TMEM178B: variants seen among roughly 807,000 people sequenced by gnomAD.
TMEM178B encodes transmembrane protein 178B.
A neutral mutation model predicts 31.0 loss-of-function variants in TMEM178B; 5 were observed. The observed-to-expected ratio is 0.16, with a 90% CI of 0.08 to 0.34. TMEM178B has a LOEUF of 0.34. Among genes scored for constraint, TMEM178B ranks in the 10% least tolerant of loss-of-function variants. TMEM178B has a pLI of 1.00. For missense variants in TMEM178B, 275 were observed against 400.3 expected (o/e 0.69, Z 2.67); for synonymous variants, 164 against 164.0 (o/e 1.00, Z 0.00).
At chr7:141,246,016 A>T (rs943765594) in intron 2 of TMEM178B, among the ~76,000 whole-genome samples, 8 of 152,156 alleles carry the variant, frequency 5.3e-5, no homozygotes, top group Admixed American at 3.9e-4. Flanking sequence ...TTTTTCCTGA[A>T]TTCCAACCAA....
chr7:141,409,810 G>A (rs573493163), intron 2 of TMEM178B, among the ~76,000 whole-genome samples: 7 of 151,740 alleles, frequency 4.6e-5, no homozygotes, highest in African/African-American at 1.7e-4. Context: ...CTATCAAGCA[G>A]ATGATCGTCC....
chr7:141,245,399 T>G (rs1159653503), intron 2 of TMEM178B, among the ~76,000 whole-genome samples: 1 of 151,848 alleles, frequency 6.6e-6, no homozygotes, highest in Admixed American at 6.6e-5. Flanking sequence ...GGATGGAGGT[T>G]TGTTCATTTT....
Position 141,140,986 on chromosome 7 carries a change from G to A in TMEM178B, c.382+66294G>A, listed in dbSNP as rs79535492. Among the ~76,000 whole-genome samples, 92 of 152,174 alleles carry A rather than the reference G, an allele frequency of 6.0e-4. No homozygotes were observed. In the East Asian group the frequency reaches 6.8e-3, roughly 11 times the overall value. On this transcript the variant is annotated intron_variant, in intron 1 of 3. Transcript: ENST00000565468. ...CCCTCTTTTCCTACTGTACTCTTTCGAAGGAGGTCACTAGACACAGCCCAC... is the reference window on the plus strand; with the variant it reads ...CCCTCTTTTCCTACTGTACTCTTTCAAAGGAGGTCACTAGACACAGCCCAC...
At chr7:141,431,774 G>A (rs1368997179) in intron 2 of TMEM178B, among the ~76,000 whole-genome samples, 1 of 152,188 alleles carries the variant, frequency 6.6e-6, no homozygotes, top group Admixed American at 6.5e-5. Context: ...GGCAGGAAGA[G>A]ATGGGGAAAG....
At chr7:141,445,092 C>T (rs1801729595) in intron 3 of TMEM178B, among the ~76,000 whole-genome samples, 1 of 152,204 alleles carries the variant, frequency 6.6e-6, no homozygotes, top group Non-Finnish European at 1.5e-5. Flanking sequence ...CCTTCCCAGT[C>T]AGTCAGGGGG....
chr7:141,203,671 A>G (rs1796915753), intron 1 of TMEM178B, among the ~76,000 whole-genome samples: 1 of 152,216 alleles, frequency 6.6e-6, no homozygotes, highest in Non-Finnish European at 1.5e-5. Flanking sequence ...TAGTAAGGCC[A>G]GACTCTGCAT....
chr7:141,163,200 A>G (rs1290790924), intron 1 of TMEM178B, among the ~76,000 whole-genome samples: 1 of 152,178 alleles, frequency 6.6e-6, no homozygotes, highest in East Asian at 1.9e-4. Context: ...TTCTTCATGT[A>G]CTTATCCCCC....
At chr7:141,291,067 G>A (rs1342434369) in intron 2 of TMEM178B, among the ~76,000 whole-genome samples, 1 of 152,140 alleles carries the variant, frequency 6.6e-6, no homozygotes, top group African/African-American at 2.4e-5. Flanking sequence ...GGACAAGGCA[G>A]GAATCTATTT....
chr7:141,215,671 T>A (rs1797121059), intron 2 of TMEM178B, among the ~76,000 whole-genome samples: 1 of 151,970 alleles, frequency 6.6e-6, no homozygotes, highest in South Asian at 2.1e-4. Flanking sequence ...TATTCTGTAA[T>A]TTTTCCTACT....
chr7:141,222,235 A>AT (rs1019642366), intron 2 of TMEM178B, among the ~76,000 whole-genome samples: 13 of 152,104 alleles, frequency 8.5e-5, no homozygotes, highest in Non-Finnish European at 1.5e-4. Context: ...GAGGGAGGTG[A>AT]TTTTTTGTTT....
intron 3 of TMEM178B, among the ~76,000 whole-genome samples, chr7:141,459,323 C>T (rs997537410): frequency 9.2e-5 from 14 of 152,278 alleles, no homozygotes; most frequent in Middle Eastern, 3.4e-3. Context: ...CCACCACGCC[C>T]GGCCAATGTT....
intron 2 of TMEM178B, among the ~76,000 whole-genome samples, chr7:141,428,461 G>A (rs1416344960): frequency 1.3e-5 from 2 of 152,008 alleles, no homozygotes; most frequent in African/African-American, 2.4e-5. Flanking sequence ...CTCAGGAGTT[G>A]GGTGAGCAGG....
chr7:141,270,775 C>T lies in TMEM178B; in HGVS notation c.496+58071C>T, dbSNP rs116031091. Among the ~76,000 whole-genome samples the T allele has an allele frequency of 1.1e-3, 161 of 152,314 alleles. 1 individual carries two copies. The highest frequency in any genetic ancestry group is 3.7e-3 in the African/African-American group (155 of 41,580). ...GTTGTCATGTCCTTAGTAACGATGTCGTTATCTCTCTAGTATCAGAAAAGA... is the reference window on the plus strand; with the variant it reads ...GTTGTCATGTCCTTAGTAACGATGTTGTTATCTCTCTAGTATCAGAAAAGA... On this transcript the variant is annotated intron_variant, in intron 2 of 3. Transcript: ENST00000565468.
intron 2 of TMEM178B, among the ~76,000 whole-genome samples, chr7:141,433,017 G>T (rs993768484): frequency 6.6e-6 from 1 of 152,206 alleles, no homozygotes; most frequent in African/African-American, 2.4e-5. Flanking sequence ...AAGAGAGCTG[G>T]GATCAATGCT....
At chr7:141,126,641 A>G (rs534650673) in intron 1 of TMEM178B, among the ~76,000 whole-genome samples, 1 of 152,344 alleles carries the variant, frequency 6.6e-6, no homozygotes, top group African/African-American at 2.4e-5. Context: ...ATGCTTTTTG[A>G]TCAGGGGAAT....
chr7:141,184,404 C>G (rs755030552), intron 1 of TMEM178B, among the ~76,000 whole-genome samples: 49 of 152,110 alleles, frequency 3.2e-4, no homozygotes, highest in African/African-American at 1.1e-3. Flanking sequence ...GAGTGTCTTA[C>G]GTGTTTCTAA....
At chr7:141,256,374 A>G (rs1797927988) in intron 2 of TMEM178B, among the ~76,000 whole-genome samples, 1 of 152,220 alleles carries the variant, frequency 6.6e-6, no homozygotes, top group African/African-American at 2.4e-5. Flanking sequence ...GGGAAAACCA[A>G]AGTGATACTT....
In TMEM178B at chr7:141,473,526, A is replaced by G. The variant is rs1469315554; in HGVS notation, c.*2740A>G. ...TTTTAAAAAAAAATCCCATACTTTC[A>G]ATGAATAGATTATCTGCTCTATCCA... On this transcript the variant is annotated 3_prime_UTR_variant, in exon 4 of 4. Transcript: ENST00000565468. 1 of 152,192 alleles carries G rather than the reference A, an allele frequency of 6.6e-6. No homozygotes were observed. Among genetic ancestry groups the G allele is most frequent in the Non-Finnish European group, 1.5e-5 (1 of 68,030 alleles). 9.4% of individuals were successfully genotyped at this position (152,192 alleles called of 1,614,324 possible).
At chr7:141,423,408 A>T (rs1166449889) in intron 2 of TMEM178B, among the ~76,000 whole-genome samples, 1 of 152,230 alleles carries the variant, frequency 6.6e-6, no homozygotes, top group Non-Finnish European at 1.5e-5. Context: ...TACTATTGAG[A>T]TATTTTACAA....
Sources: allele counts gnomAD v4.1 joint callset (sites outside exome capture counted in the v4.1 genomes callset), GRCh38; gene constraint gnomAD v4.1.1; transcripts MANE v1.5; gene names NCBI Gene and HGNC (gene_info 2026-07-23, HGNC 2026-07-21).